ANKRD28: variants seen among roughly 807,000 people sequenced by gnomAD.
The protein encoded by ANKRD28 is ankyrin repeat domain 28, also known as serine/threonine-protein phosphatase 6 regulatory ankyrin repeat subunit A.
In ANKRD28, 44 loss-of-function variants were observed where a neutral mutation model predicts 126.5. The observed-to-expected ratio is 0.35, with a 90% CI of 0.27 to 0.45. ANKRD28 has a LOEUF of 0.45. Ranked by LOEUF, ANKRD28 falls within the 20% of genes least tolerant of loss-of-function variation. ANKRD28 has a pLI of 1.00. For missense variants in ANKRD28, 1,110 were observed against 1,316.6 expected (o/e 0.84, Z 2.43); for synonymous variants, 442 against 468.5 (o/e 0.94, Z 0.73).
At position 15,767,619 on chromosome 3, in the gene ANKRD28, T is replaced by C. The variant is rs578234856; in HGVS notation, c.202-1307A>G. The stretch of plus-strand genomic sequence containing the variant: ...GCTCACGCCTGTAATCCCAGCACTT[T>C]GGGAGGCTGAGGTGGCGGGTGGATC... On this transcript the variant is annotated intron_variant, in intron 2 of 27. Transcript: ENST00000683139. Among the ~76,000 whole-genome samples the C allele has an allele frequency of 2.1e-5, 3 of 145,162 alleles. No individual in the cohort carries two copies. The Admixed American group carries it at 2.2e-4, about 10-fold the overall frequency.
rs539764727 is a variant in ANKRD28 at position 15,751,994 on chromosome 3, C to G, written c.281-174G>C. Among the ~76,000 whole-genome samples, 21 of 151,882 alleles carry G rather than the reference C, an allele frequency of 1.4e-4. No individual in the cohort carries two copies. In the South Asian group the frequency reaches 2.9e-3, roughly 21 times the overall value. On this transcript the variant is annotated intron_variant, in intron 3 of 27. Coordinates refer to ENST00000683139, the MANE Select transcript of ANKRD28 (RefSeq NM_001349278.2). ...CCTTAGAATATAAAACAAAATTAGC[C>G]TTTTAAATTGATATAATTGTCCAAT...
chr3:15,684,075 C>T (rs1229388952), intron 21 of ANKRD28: 1 of 152,120 alleles, frequency 6.6e-6, no homozygotes, highest in Non-Finnish European at 1.5e-5. Flanking sequence ...AAATTGAAAA[C>T]AAATTTTAAA....
intron 15 of ANKRD28, 126 bp downstream of exon 15, chr3:15,696,008 A>G: frequency 1.5e-6 from 1 of 681,908 alleles, no homozygotes; most frequent in Non-Finnish European, 2.5e-6. Flanking sequence ...TTTAAGAGGT[A>G]TATAAATTCT....
In ANKRD28 at chr3:15,737,236, A is replaced by G. The variant is rs2075075952; in HGVS notation, c.352-3T>C. Reference sequence around the variant, plus strand: ...TTCAAAAGTACCTGAACTGCTTCCTAAAACATATGAAAAGTTATAAAAGAC... The same window carrying G: ...TTCAAAAGTACCTGAACTGCTTCCTGAAACATATGAAAAGTTATAAAAGAC... On this transcript the variant is annotated splice_region_variant and splice_polypyrimidine_tract_variant and intron_variant, in intron 4 of 27. Coordinates refer to ENST00000683139, the MANE Select transcript of ANKRD28 (RefSeq NM_001349278.2). 1 of 1,610,076 alleles carries G rather than the reference A, an allele frequency of 6.2e-7. No homozygotes were observed. The highest frequency in any genetic ancestry group is 8.5e-7 in the Non-Finnish European group (1 of 1,177,724).
intron 2 of ANKRD28, among the ~76,000 whole-genome samples, chr3:15,775,243 G>A (rs972207275): frequency 6.6e-6 from 1 of 152,202 alleles, no homozygotes; most frequent in Non-Finnish European, 1.5e-5. Flanking sequence ...CATATAAAAT[G>A]TGCCTGAAAC....
intron 4 of ANKRD28, chr3:15,738,368 G>A (rs1247493465): frequency 6.6e-6 from 1 of 152,014 alleles, no homozygotes; most frequent in Admixed American, 6.5e-5. Flanking sequence ...TAGGGTATGA[G>A]TCACAGAGAT....
At chr3:15,777,998 T>C (rs75169866) in intron 2 of ANKRD28, among the ~76,000 whole-genome samples, 3,078 of 152,256 alleles carry the variant, frequency 0.02, 35 homozygotes, top group Middle Eastern at 0.048. Context: ...GTTTTCTTTA[T>C]ATTCATTCGC....
intron 1 of ANKRD28, among the ~76,000 whole-genome samples, chr3:15,858,459 T>C (rs1404946011): frequency 3.9e-5 from 6 of 152,194 alleles, no homozygotes; most frequent in Non-Finnish European, 5.9e-5. Context: ...TAGTCTCAGG[T>C]TCTTCCCCAT....
At chr3:15,850,204 A>AAAAAATATATATAT (rs1486394619) in intron 1 of ANKRD28, among the ~76,000 whole-genome samples, 24 of 54,832 alleles carry the variant, frequency 4.4e-4, no homozygotes, top group Non-Finnish European at 7.3e-4. Context: ...AAAAAAAAAA[A>AAAAAATATATATAT]ATATATATAT....
At chr3:15,813,327 C>T (rs1311566968) in intron 1 of ANKRD28, among the ~76,000 whole-genome samples, 1 of 152,032 alleles carries the variant, frequency 6.6e-6, no homozygotes, top group Admixed American at 6.6e-5. Context: ...GATCACATGC[C>T]GCTGCACTCC....
At chr3:15,725,963 A>C (rs1482355652) in intron 6 of ANKRD28, among the ~76,000 whole-genome samples, 1 of 152,120 alleles carries the variant, frequency 6.6e-6, no homozygotes, top group Non-Finnish European at 1.5e-5. Context: ...AAATCACTTG[A>C]TCCCTGGAAG....
At chr3:15,726,732 C>G (rs968869487) in intron 6 of ANKRD28, among the ~76,000 whole-genome samples, 3 of 152,206 alleles carry the variant, frequency 2.0e-5, no homozygotes, top group African/African-American at 7.2e-5. Context: ...GATGAAACGG[C>G]CTTCTATTGG....
chr3:15,829,519 G>A (rs1344309333), intron 1 of ANKRD28, among the ~76,000 whole-genome samples: 1 of 152,044 alleles, frequency 6.6e-6, no homozygotes, highest in Admixed American at 6.5e-5. Flanking sequence ...AAATCCATTG[G>A]TCTAACTGAA....
intron 1 of ANKRD28, among the ~76,000 whole-genome samples, chr3:15,834,888 C>T (rs2061289101): frequency 6.6e-6 from 1 of 152,200 alleles, no homozygotes; most frequent in African/African-American, 2.4e-5. Flanking sequence ...TGATAATACC[C>T]AACCTTCCTT....
At chr3:15,777,084 G>T (rs139126765) in intron 2 of ANKRD28, among the ~76,000 whole-genome samples, 315 of 152,134 alleles carry the variant, frequency 2.1e-3, no homozygotes, top group African/African-American at 7.4e-3. Flanking sequence ...GACCATCCTG[G>T]TTAACGTGGT....
rs1350474362 is a variant in ANKRD28, at chr3:15,830,274, TCATGGACCA to T, written c.27+29094_27+29102del. 2.6e-5 allele frequency among the ~76,000 whole-genome samples: 4 copies of T among 152,166 alleles called. No homozygotes were observed. The highest frequency in any genetic ancestry group is 4.4e-5 in the Non-Finnish European group (3 of 68,024). ...TTTGACTTTAGGGACTCCCAGGGGT[TCATGGACCA>T]CACTATGAGAAGTCTCTTAGACCAG... On this transcript the variant is annotated intron_variant, in intron 1 of 27. Transcript: ENST00000399451. This position sits in a 1 kb window ranked among gnomAD's most constrained non-coding sequence, Gnocchi z 4.5.
intron 14 of ANKRD28, among the ~76,000 whole-genome samples, chr3:15,704,623 T>C (rs1432844094): frequency 6.6e-6 from 1 of 152,238 alleles, no homozygotes; most frequent in Non-Finnish European, 1.5e-5. Context: ...CAGAATGAGT[T>C]ATGCCTGATT....
At chr3:15,693,353 G>A (rs1223732401) in intron 17 of ANKRD28, among the ~76,000 whole-genome samples, 2 of 151,278 alleles carry the variant, frequency 1.3e-5, no homozygotes, top group Non-Finnish European at 2.9e-5. Flanking sequence ...GAGAGAGACC[G>A]ACCCACTAAT....
intron 3 of ANKRD28, among the ~76,000 whole-genome samples, chr3:15,754,601 C>T (rs777952382): frequency 4.1e-4 from 63 of 152,228 alleles, no homozygotes; most frequent in Non-Finnish European, 8.1e-4. Flanking sequence ...GGGTTCAGTA[C>T]TATCTGAGGT....
Sources: gnomAD v4.1 joint callset for allele counts (sites outside exome capture counted in the v4.1 genomes callset) on GRCh38, gnomAD v4.1.1 for gene constraint, Gnocchi (gnomAD v3.1) non-coding constraint, MANE v1.5 for transcripts, NCBI Gene and HGNC (gene_info 2026-07-23, HGNC 2026-07-21) for gene names.